SAMD12: variants seen among roughly 807,000 people sequenced by gnomAD.
The protein encoded by SAMD12 is sterile alpha motif domain containing 12.
In SAMD12, 9 loss-of-function variants were observed where a neutral mutation model predicts 15.0. That is an observed-to-expected ratio of 0.60 (90% CI 0.36 to 1.05). SAMD12 has a LOEUF of 1.05. SAMD12 is among the 50% of genes least tolerant of loss of function. The pLI is 0.01. For missense variants in SAMD12, 230 were observed against 234.2 expected (o/e 0.98, Z 0.12); for synonymous variants, 86 against 90.1 (o/e 0.96, Z 0.25).
At chr8:118,332,026 C>T (rs1816828838) in intron 4 of SAMD12, among the ~76,000 whole-genome samples, 1 of 151,974 alleles carries the variant, frequency 6.6e-6, no homozygotes, top group African/African-American at 2.4e-5. Context: ...CTTCCAAATC[C>T]CCTAGGTGGG....
At chr8:118,380,468 C>CT (rs1326749484) in intron 3 of SAMD12, among the ~76,000 whole-genome samples, 7 of 152,318 alleles carry the variant, frequency 4.6e-5, no homozygotes, top group African/African-American at 1.7e-4. Flanking sequence ...TCTCTTCAAC[C>CT]TTTCTTTCCC....
intron 2 of SAMD12, among the ~76,000 whole-genome samples, chr8:118,458,867 T>C (rs1327035785): frequency 6.6e-6 from 1 of 152,168 alleles, no homozygotes; most frequent in Non-Finnish European, 1.5e-5. Flanking sequence ...AAGTTGAAAA[T>C]CTGTAGATTT....
intron 4 of SAMD12, among the ~76,000 whole-genome samples, chr8:118,267,081 C>T (rs781359003): frequency 2.0e-5 from 3 of 152,060 alleles, no homozygotes; most frequent in Non-Finnish European, 4.4e-5. Flanking sequence ...AAATATCATG[C>T]TGTACTAACA....
the SAMD12 span, among the ~76,000 whole-genome samples, chr8:118,154,323 T>C: frequency 6.6e-6 from 1 of 152,138 alleles, no homozygotes; most frequent in South Asian, 2.1e-4. Flanking sequence ...CTTCAATAGA[T>C]TCTTGTATTT....
At chr8:118,340,121 T>C (rs1209155932) in intron 4 of SAMD12, among the ~76,000 whole-genome samples, 2 of 152,210 alleles carry the variant, frequency 1.3e-5, no homozygotes, top group African/African-American at 2.4e-5. Context: ...AACAAAGAAG[T>C]AGACATTTCA....
intron 2 of SAMD12, among the ~76,000 whole-genome samples, chr8:118,559,610 G>C (rs923851356): frequency 1.3e-5 from 2 of 152,202 alleles, no homozygotes; most frequent in Non-Finnish European, 2.9e-5. Context: ...AGAACTAGAG[G>C]TGGGGACATA....
Position 118,379,386 on chromosome 8 carries a change from C to T in SAMD12, c.*31G>A. 3 of 1,603,214 alleles carry T rather than the reference C, an allele frequency of 1.9e-6. No individual in the cohort carries two copies. On this transcript the variant is annotated 3_prime_UTR_variant, in exon 4 of 4. Transcript: ENST00000314727. ...TTTGTGCATCCTTCTCCCTAGTGAG[C>T]TATGAAAAAAGTTTTCAAAGGGAAG...
intron 4 of SAMD12, among the ~76,000 whole-genome samples, chr8:118,319,970 G>GT (rs1336071765): frequency 2.0e-5 from 3 of 152,168 alleles, no homozygotes; most frequent in Non-Finnish European, 2.9e-5. Context: ...TATCTTAGGA[G>GT]TAGGTGTGGT....
chr8:118,256,839 CT>C (rs1219160863), intron 4 of SAMD12, among the ~76,000 whole-genome samples: 1 of 149,606 alleles, frequency 6.7e-6, no homozygotes, highest in Admixed American at 6.7e-5. Flanking sequence ...TTCTTTTTAG[CT>C]ACGGAATTCT....
chr8:118,292,354 ACAC>A (rs1379804791), intron 4 of SAMD12, among the ~76,000 whole-genome samples: 8 of 140,738 alleles, frequency 5.7e-5, no homozygotes, highest in African/African-American at 2.6e-4. Context: ...ACACAGACAC[ACAC>A]ACACACACAC....
chr8:118,576,948 C>T (rs1827167182), intron 2 of SAMD12, among the ~76,000 whole-genome samples: 1 of 152,122 alleles, frequency 6.6e-6, no homozygotes, highest in African/African-American at 2.4e-5. Flanking sequence ...GTATTTCTTG[C>T]TTGTACCCTC....
intron 2 of SAMD12, among the ~76,000 whole-genome samples, chr8:118,548,884 C>G (rs1485213219): frequency 6.6e-6 from 1 of 152,272 alleles, no homozygotes; most frequent in Non-Finnish European, 1.5e-5. Context: ...TATCCCGCAC[C>G]TGGCTTGGAG....
chr8:118,151,955 T>C, the SAMD12 span, among the ~76,000 whole-genome samples: 1 of 151,734 alleles, frequency 6.6e-6, no homozygotes, highest in African/African-American at 2.4e-5. Context: ...AATAATGAAA[T>C]GGAAGCCACC....
At chr8:118,311,508 T>C (rs1815630751) in intron 4 of SAMD12, among the ~76,000 whole-genome samples, 2 of 152,348 alleles carry the variant, frequency 1.3e-5, no homozygotes, top group South Asian at 4.1e-4. Context: ...TGCTGATCCC[T>C]GTTTAGAGCA....
intron 3 of SAMD12, among the ~76,000 whole-genome samples, chr8:118,392,157 A>G (rs924237856): frequency 1.3e-5 from 2 of 152,174 alleles, no homozygotes; most frequent in African/African-American, 2.4e-5. Flanking sequence ...GGCTGGGCGC[A>G]GTGGCTCACG....
At chr8:118,159,494 G>C in the SAMD12 span, among the ~76,000 whole-genome samples, 776 of 152,266 alleles carry the variant, frequency 5.1e-3, 4 homozygotes, top group Admixed American at 0.011. Flanking sequence ...CTGCCAGGCT[G>C]AGTGAGCAGA....
intron 1 of SAMD12, among the ~76,000 whole-genome samples, chr8:118,604,273 T>C (rs1023770438): frequency 2.6e-5 from 4 of 152,194 alleles, no homozygotes; most frequent in African/African-American, 9.6e-5. Flanking sequence ...TAATAAATGG[T>C]AGAGAATATT....
At chr8:118,302,711 G>A (rs535804439) in intron 4 of SAMD12, among the ~76,000 whole-genome samples, 8 of 152,126 alleles carry the variant, frequency 5.3e-5, no homozygotes, top group Non-Finnish European at 1.0e-4. Context: ...TTTAATTTTG[G>A]GGGGAGGAAA....
chr8:118,326,174 G>A (rs1186466508), intron 4 of SAMD12, among the ~76,000 whole-genome samples: 3 of 152,088 alleles, frequency 2.0e-5, no homozygotes, highest in Non-Finnish European at 2.9e-5. Flanking sequence ...ATGAATTATT[G>A]CTAGAGGATG....
Sources: allele counts gnomAD v4.1 joint callset (sites outside exome capture counted in the v4.1 genomes callset), GRCh38; gene constraint gnomAD v4.1.1; transcripts MANE v1.5; gene names NCBI Gene and HGNC (gene_info 2026-07-23, HGNC 2026-07-21).